The following BCAS3 variants were observed in gnomAD, a reference collection of about 807,000 sequenced individuals.
The protein encoded by BCAS3 is BCAS4/BCAS3 fusion.
BCAS3 carries 53 observed loss-of-function variants against 116.1 expected under a neutral mutation model. That is an observed-to-expected ratio of 0.46 (90% CI 0.37 to 0.57). The LOEUF is 0.57. Ranked by LOEUF, BCAS3 falls within the 20% of genes least tolerant of loss-of-function variation. The pLI is 0.00. For synonymous variants in BCAS3, 391 were observed against 408.2 expected (o/e 0.96, Z 0.51); for missense variants, 917 against 1,165.4 (o/e 0.79, Z 3.10).
intron 22 of BCAS3, among the ~76,000 whole-genome samples, chr17:61,318,863 C>T (rs956715870): frequency 3.5e-4 from 53 of 152,326 alleles, no homozygotes; most frequent in African/African-American, 1.2e-3. Flanking sequence ...ATAATAGCCG[C>T]AGCTATATTG....
rs1002240518 is a variant in BCAS3, at chr17:61,208,542, G to A, written c.2425+123978G>A. On this transcript the variant is annotated intron_variant, in intron 22 of 23. Coordinates refer to ENST00000407086, the MANE Select transcript of BCAS3 (RefSeq NM_017679.5). The surrounding 1 kb of genome is among the most constrained non-coding windows in gnomAD (Gnocchi z 4.5). The stretch of plus-strand genomic sequence containing the variant: ...TCTCATTAGCTCAGCTTAATTTGAG[G>A]ATGTTCTGAAAAGAGAGAGGGAGAA... Among the ~76,000 whole-genome samples the A allele has an allele frequency of 7.9e-5, 12 of 152,110 alleles. No individual in the cohort carries two copies. Among genetic ancestry groups the A allele is most frequent in the Non-Finnish European group, 2.9e-5 (2 of 68,022 alleles).
intron 22 of BCAS3, among the ~76,000 whole-genome samples, chr17:61,330,015 A>G (rs1314047723): frequency 6.6e-6 from 1 of 152,172 alleles, no homozygotes; most frequent in Non-Finnish European, 1.5e-5. Flanking sequence ...CTTATTGTTG[A>G]GGGGGAGAAA....
chr17:60,779,455 C>T (rs540922717), intron 6 of BCAS3, among the ~76,000 whole-genome samples: 72 of 151,732 alleles, frequency 4.7e-4, no homozygotes, highest in Admixed American at 1.5e-3. Context: ...CTGCAACCTC[C>T]GCCTCCCAGG....
intron 6 of BCAS3, among the ~76,000 whole-genome samples, chr17:60,773,834 A>G (rs912381021): frequency 4.0e-5 from 6 of 151,856 alleles, no homozygotes; most frequent in Non-Finnish European, 7.4e-5. Flanking sequence ...TTTTTTGGAG[A>G]CAGGTTCTCA....
chr17:60,747,417 A>G (rs567590286), intron 6 of BCAS3, 138 bp downstream of exon 6: 1 of 647,564 alleles, frequency 1.5e-6, no homozygotes, highest in South Asian at 2.1e-5. Context: ...TCCCCCAAAG[A>G]TAAACTTAGT....
In BCAS3 at chr17:61,068,416, A is replaced by G. The variant is rs1045541206; in HGVS notation, c.2030-6504A>G. Among the ~76,000 whole-genome samples the G allele has an allele frequency of 3.9e-5, 6 of 152,180 alleles. No individual in the cohort carries two copies. The highest frequency in any genetic ancestry group is 1.2e-4 in the African/African-American group (5 of 41,444). On this transcript the variant is annotated intron_variant, in intron 19 of 23. Coordinates refer to ENST00000407086, the MANE Select transcript of BCAS3 (RefSeq NM_017679.5). The surrounding 1 kb of genome is among the most constrained non-coding windows in gnomAD (Gnocchi z 4.3). Reference sequence around the variant, plus strand: ...CACTGACATGTCCCATTTCCCCACCAGATCATTGGCCATTGGTTCATATAG... The same window carrying G: ...CACTGACATGTCCCATTTCCCCACCGGATCATTGGCCATTGGTTCATATAG...
intron 7 of BCAS3, among the ~76,000 whole-genome samples, chr17:60,826,974 G>C (rs2050487653): frequency 6.6e-6 from 1 of 152,112 alleles, no homozygotes; most frequent in African/African-American, 2.4e-5. Context: ...TTTTGTATTT[G>C]ATAATTTTTT....
chr17:60,996,212 G>A (rs2063824575), intron 15 of BCAS3, among the ~76,000 whole-genome samples: 1 of 152,142 alleles, frequency 6.6e-6, no homozygotes, highest in African/African-American at 2.4e-5. Context: ...GTTTTGGCAG[G>A]ACTAGAATGG....
chr17:61,201,096 A>C (rs1303133817), intron 22 of BCAS3, among the ~76,000 whole-genome samples: 3 of 151,926 alleles, frequency 2.0e-5, no homozygotes, highest in Non-Finnish European at 4.4e-5. Flanking sequence ...TTAAAACATT[A>C]AGATAATGTT....
chr17:60,687,375 G>A (rs978578232), intron 3 of BCAS3, among the ~76,000 whole-genome samples: 1 of 152,154 alleles, frequency 6.6e-6, no homozygotes, highest in Non-Finnish European at 1.5e-5. Flanking sequence ...AGGCCTAGGC[G>A]GGCAGATTGC....
At chr17:60,872,866 T>C (rs967703824) in intron 8 of BCAS3, among the ~76,000 whole-genome samples, 2 of 152,024 alleles carry the variant, frequency 1.3e-5, no homozygotes, top group Non-Finnish European at 2.9e-5. Context: ...GTACTTTCTC[T>C]TTGGTTCCAT....
chr17:60,941,895 A>T (rs2060243778), intron 13 of BCAS3, among the ~76,000 whole-genome samples: 1 of 152,186 alleles, frequency 6.6e-6, no homozygotes, highest in African/African-American at 2.4e-5. Context: ...AAATTTAATG[A>T]AGTTTATAGT....
intron 23 of BCAS3, among the ~76,000 whole-genome samples, chr17:61,373,346 T>G (rs1410763824): frequency 6.6e-6 from 1 of 151,986 alleles, no homozygotes; most frequent in Non-Finnish European, 1.5e-5. Flanking sequence ...CGCATCAGCC[T>G]CCCAAAGTGC....
intron 5 of BCAS3, among the ~76,000 whole-genome samples, chr17:60,746,451 A>G (rs1195011941): frequency 6.6e-6 from 1 of 152,086 alleles, no homozygotes; most frequent in Non-Finnish European, 1.5e-5. Flanking sequence ...TTTATCCCCC[A>G]CAAAATGTCC....
At chr17:60,703,044 G>T (rs1463308199) in intron 4 of BCAS3, among the ~76,000 whole-genome samples, 1 of 151,820 alleles carries the variant, frequency 6.6e-6, no homozygotes, top group East Asian at 2.0e-4. Flanking sequence ...GGAGGCCAAG[G>T]TGGGTGGATC....
intron 7 of BCAS3, among the ~76,000 whole-genome samples, chr17:60,811,789 T>C (rs1453486516): frequency 6.6e-6 from 1 of 152,264 alleles, no homozygotes; most frequent in African/African-American, 2.4e-5. Context: ...GGCTCATGCC[T>C]ATAATCCCAG....
intron 22 of BCAS3, among the ~76,000 whole-genome samples, chr17:61,176,131 C>G (rs1202865218): frequency 1.7e-5 from 2 of 119,338 alleles, no homozygotes. Flanking sequence ...AGAGCAAGAC[C>G]CTATCTCAAA....
intron 7 of BCAS3, among the ~76,000 whole-genome samples, chr17:60,852,287 C>T (rs187387607): frequency 1.3e-4 from 20 of 152,242 alleles, no homozygotes; most frequent in Non-Finnish European, 2.5e-4. Flanking sequence ...GATTATGGCT[C>T]TCCCTGTCAG....
intron 9 of BCAS3, among the ~76,000 whole-genome samples, chr17:60,878,162 A>G (rs563331395): frequency 9.1e-4 from 139 of 151,942 alleles, no homozygotes; most frequent in Non-Finnish European, 1.6e-3. Context: ...GGCAGGCACC[A>G]CCACGCCCGG....
Sources: allele counts gnomAD v4.1 joint callset (sites outside exome capture counted in the v4.1 genomes callset), GRCh38; gene constraint gnomAD v4.1.1; non-coding constraint Gnocchi (gnomAD v3.1); transcripts MANE v1.5; gene names NCBI Gene and HGNC (gene_info 2026-07-23, HGNC 2026-07-21).